DPY19L1: variants seen among roughly 807,000 people sequenced by gnomAD.
DPY19L1 encodes protein C-mannosyl-transferase DPY19L1.
Under a neutral mutation model 96.9 loss-of-function variants are expected in DPY19L1, and 35 were observed. The ratio of observed to expected loss-of-function variants is 0.36; its 90% confidence interval spans 0.28 to 0.48. The LOEUF is 0.48. Ranked by LOEUF, DPY19L1 falls within the 20% of genes least tolerant of loss-of-function variation. The pLI is 0.99. For missense variants in DPY19L1, 521 were observed against 777.9 expected, an observed-to-expected ratio of 0.67 and a Z score of 3.93; for synonymous variants, 205 against 252.6, an observed-to-expected ratio of 0.81 and a Z score of 1.79.
chr7:35,034,087 G>A (rs1786328121), intron 1 of DPY19L1, among the ~76,000 whole-genome samples: 1 of 152,108 alleles, frequency 6.6e-6, no homozygotes, highest in African/African-American at 2.4e-5. Context: ...GGTGGGCAAT[G>A]GGAATGAGTC....
intron 8 of DPY19L1, among the ~76,000 whole-genome samples, chr7:34,970,268 C>T (rs762074649): frequency 7.9e-5 from 12 of 152,150 alleles, no homozygotes; most frequent in Non-Finnish European, 1.2e-4. Context: ...ATAAACCTAC[C>T]TGGAGCATAG....
At chr7:35,000,292 T>C (rs1312537054) in intron 6 of DPY19L1, 1 of 151,812 alleles carries the variant, frequency 6.6e-6, no homozygotes, top group Non-Finnish European at 1.5e-5. Flanking sequence ...TTGAAAACCA[T>C]TAAAGAAAAA....
intron 1 of DPY19L1, among the ~76,000 whole-genome samples, chr7:35,020,281 CT>C (rs1785964444): frequency 1.3e-5 from 2 of 152,176 alleles, no homozygotes; most frequent in Non-Finnish European, 2.9e-5. Context: ...CATGCTTCTA[CT>C]TTGGTAATCA....
intron 10 of DPY19L1, among the ~76,000 whole-genome samples, chr7:34,966,084 C>A (rs1011887759): frequency 3.3e-5 from 5 of 151,884 alleles, no homozygotes; most frequent in African/African-American, 1.2e-4. Context: ...TGGTCTTAAA[C>A]TCCTGGGCTC....
chr7:34,949,449 T>G (rs1784224605), intron 14 of DPY19L1, among the ~76,000 whole-genome samples: 1 of 152,180 alleles, frequency 6.6e-6, no homozygotes, highest in African/African-American at 2.4e-5. Context: ...TCAAAGCAAA[T>G]ATCTATTTAA....
Position 34,954,687 on chromosome 7 carries a change from A to G in DPY19L1, c.1320+11T>C, listed in dbSNP as rs757944728. 2 of 1,496,032 alleles carry G rather than the reference A, an allele frequency of 1.3e-6. No homozygotes were observed. Among genetic ancestry groups the G allele is most frequent in the African/African-American group, 2.8e-5 (2 of 72,022 alleles). 92.7% of individuals were successfully genotyped at this position (1,496,032 alleles called of 1,614,324 possible). A position where few individuals can be genotyped will look rare whatever the true frequency, so the allele number is the denominator to read the frequency against. ...TCAAGTCTTTCAAATTTAAGTAAAA[A>G]ATGCACTTACGTCATCTGCAATACC... On this transcript the variant is annotated intron_variant, in intron 13 of 21. Coordinates refer to ENST00000638088, the MANE Select transcript of DPY19L1 (RefSeq NM_001366673.1).
intron 9 of DPY19L1, among the ~76,000 whole-genome samples, chr7:34,969,039 C>T (rs1784670784): frequency 6.6e-6 from 1 of 151,908 alleles, no homozygotes; most frequent in Admixed American, 6.6e-5. Context: ...CAAGAATGTA[C>T]ACAACTATTC....
intron 1 of DPY19L1, among the ~76,000 whole-genome samples, chr7:35,025,592 C>A (rs1380695964): frequency 1.3e-5 from 2 of 152,100 alleles, no homozygotes; most frequent in Non-Finnish European, 2.9e-5. Flanking sequence ...AAGACAAATA[C>A]AATACAGCCA....
chr7:34,971,670 C>T (rs185926526), intron 8 of DPY19L1, among the ~76,000 whole-genome samples: 2 of 152,200 alleles, frequency 1.3e-5, no homozygotes, highest in African/African-American at 4.8e-5. Context: ...GGTATTAAGA[C>T]GTGGGTAAGG....
chr7:34,946,843 G>A (rs570520128), intron 15 of DPY19L1, among the ~76,000 whole-genome samples: 1 of 152,226 alleles, frequency 6.6e-6, no homozygotes, highest in African/African-American at 2.4e-5. Context: ...TACCCCATAG[G>A]GCTGTTGAAT....
At chr7:34,981,112 T>C (rs1309559623) in intron 7 of DPY19L1, among the ~76,000 whole-genome samples, 4 of 152,198 alleles carry the variant, frequency 2.6e-5, no homozygotes, top group African/African-American at 4.8e-5. Context: ...TGTATACATA[T>C]GTAAAGATCC....
At chr7:35,007,242 C>T (rs1785582498) in intron 6 of DPY19L1, among the ~76,000 whole-genome samples, 1 of 152,162 alleles carries the variant, frequency 6.6e-6, no homozygotes, top group Admixed American at 6.5e-5. Context: ...CTTCAGTTAA[C>T]GATGCCTTTG....
At chr7:34,962,554 G>A (rs915435629) in intron 10 of DPY19L1, among the ~76,000 whole-genome samples, 2 of 152,152 alleles carry the variant, frequency 1.3e-5, no homozygotes, top group Non-Finnish European at 2.9e-5. Flanking sequence ...AATCCAGGCC[G>A]ATTGTGGTGG....
At chr7:34,986,783 A>T (rs1785057636) in intron 7 of DPY19L1, among the ~76,000 whole-genome samples, 1 of 152,006 alleles carries the variant, frequency 6.6e-6, no homozygotes, top group Non-Finnish European at 1.5e-5. Context: ...CCTTTCATTC[A>T]CTTTAAATTA....
At chr7:34,982,911 A>G (rs146370503) in intron 7 of DPY19L1, among the ~76,000 whole-genome samples, 7 of 152,340 alleles carry the variant, frequency 4.6e-5, no homozygotes, top group Non-Finnish European at 7.3e-5. Context: ...GAGATGGATT[A>G]AAATTAACTA....
chr7:34,976,979 G>A (rs558816515), intron 7 of DPY19L1, among the ~76,000 whole-genome samples: 1 of 151,900 alleles, frequency 6.6e-6, no homozygotes, highest in African/African-American at 2.4e-5. Flanking sequence ...AATAGAGAAA[G>A]GGTTTCACCA....
At chr7:34,983,752 T>TAATTAGAATCCCCAAAGAAGAAGAGAGG (rs1784990599) in intron 7 of DPY19L1, among the ~76,000 whole-genome samples, 1 of 151,860 alleles carries the variant, frequency 6.6e-6, no homozygotes, top group African/African-American at 2.4e-5. Flanking sequence ...AACATACATG[T>TAATTAGAATCCCCAAAGAAGAAGAGAGG]AATTAGAATC....
chr7:35,005,396 G>T (rs1007023291), intron 6 of DPY19L1, among the ~76,000 whole-genome samples: 6 of 151,578 alleles, frequency 4.0e-5, no homozygotes, highest in African/African-American at 1.5e-4. Flanking sequence ...AGCTGCACAA[G>T]CAGAGCAGTG....
chr7:34,941,889 A>C lies in DPY19L1; in HGVS notation c.1570-5T>G, dbSNP rs1185234654. 6.4e-7 allele frequency: 1 copy of C among 1,563,168 alleles called. No individual in the cohort carries two copies. Among genetic ancestry groups the C allele is most frequent in the African/African-American group, 1.4e-5 (1 of 71,906 alleles). On this transcript the variant is annotated splice_polypyrimidine_tract_variant and splice_region_variant and intron_variant, in intron 17 of 21. Transcript: ENST00000638088. Reference sequence around the variant, plus strand: ...TTGCAATGCATGGTAAACCAGCTGAAAGAAAGAAGAAAATGTTTTTTACTC... The same window carrying C: ...TTGCAATGCATGGTAAACCAGCTGACAGAAAGAAGAAAATGTTTTTTACTC...
Sources: gnomAD v4.1 joint callset for allele counts (sites outside exome capture counted in the v4.1 genomes callset) on GRCh38, gnomAD v4.1.1 for gene constraint, MANE v1.5 for transcripts, NCBI Gene and HGNC (gene_info 2026-07-23, HGNC 2026-07-21) for gene names.